Variants in ANXA10 observed in about 807,000 individuals in gnomAD.
The protein encoded by ANXA10 is annexin 14.
In ANXA10, 49 loss-of-function variants were observed where a neutral mutation model predicts 53.5. The ratio of observed to expected loss-of-function variants is 0.92; its 90% CI spans 0.73 to 1.16. The LOEUF is 1.16. ANXA10 is among the 50% of genes most tolerant of loss of function. The pLI is 0.00. For missense variants in ANXA10, 393 were observed against 394.4 expected (o/e 1.00, Z 0.03); for synonymous variants, 131 against 128.9 (o/e 1.02, Z -0.11).
At chr4:168,182,639 G>A (rs1294735162) in intron 10 of ANXA10, among the ~76,000 whole-genome samples, 1 of 149,058 alleles carries the variant, frequency 6.7e-6, no homozygotes, top group Non-Finnish European at 1.5e-5. Context: ...GGCCTGGAGC[G>A]TTCATTTTTT....
chr4:168,153,422 C>CAAAAAAAAAAAAAAAAAAAAAA (rs61179704), intron 3 of ANXA10, among the ~76,000 whole-genome samples: 6 of 43,524 alleles, frequency 1.4e-4, no homozygotes, highest in African/African-American at 2.4e-4. Context: ...AAGCCTAAAG[C>CAAAAAAAAAAAAAAAAAAAAAA]AAAAAAAAAA....
chr4:168,117,668 T>C (rs555072508), intron 1 of ANXA10, among the ~76,000 whole-genome samples: 1 of 152,318 alleles, frequency 6.6e-6, no homozygotes, highest in South Asian at 2.1e-4. Flanking sequence ...ACATCTCTCA[T>C]CACAAAAACA....
intron 1 of ANXA10, among the ~76,000 whole-genome samples, chr4:168,095,267 G>A (rs531206128): frequency 6.6e-6 from 1 of 151,934 alleles, no homozygotes; most frequent in Non-Finnish European, 1.5e-5. Flanking sequence ...GATCCCCCTT[G>A]TTCATACAGT....
chr4:168,187,137 C>T (rs531112363), intron 11 of ANXA10, among the ~76,000 whole-genome samples: 22 of 151,942 alleles, frequency 1.4e-4, no homozygotes, highest in Non-Finnish European at 3.1e-4. Flanking sequence ...CAGGTTCAAC[C>T]GACTTTATGT....
At chr4:168,145,176 G>A (rs933526781) in intron 3 of ANXA10, among the ~76,000 whole-genome samples, 21 of 152,202 alleles carry the variant, frequency 1.4e-4, no homozygotes, top group African/African-American at 4.1e-4. Flanking sequence ...CACTGAGCAC[G>A]GGGTCTGCAA....
At chr4:168,108,874 T>C (rs1730757985) in intron 1 of ANXA10, among the ~76,000 whole-genome samples, 2 of 152,292 alleles carry the variant, frequency 1.3e-5, no homozygotes, top group East Asian at 3.9e-4. Flanking sequence ...TCATTCCCCA[T>C]GGCAGGACAA....
In ANXA10 at chr4:168,184,982, G is replaced by A. The variant is rs144032415; in HGVS notation, c.906+301G>A. Among the ~76,000 whole-genome samples, 123 of 152,098 alleles carry A rather than the reference G, an allele frequency of 8.1e-4. 1 individual carries two copies. The highest frequency in any genetic ancestry group is 2.9e-3 in the African/African-American group (120 of 41,514). On this transcript the variant is annotated intron_variant, in intron 11 of 11. Transcript: ENST00000359299. ...AACCTGGCTAACACGGTGAAACCCC[G>A]TCTCTACTAAAAATACAAAAAATTA...
intron 1 of ANXA10, among the ~76,000 whole-genome samples, chr4:168,117,803 G>T (rs1335469681): frequency 6.6e-6 from 1 of 152,070 alleles, no homozygotes; most frequent in Non-Finnish European, 1.5e-5. Flanking sequence ...TCCACTTCAG[G>T]GTTACAGGTG....
chr4:168,168,005 A>G (rs975348441), intron 6 of ANXA10, among the ~76,000 whole-genome samples: 1 of 152,126 alleles, frequency 6.6e-6, no homozygotes, highest in Admixed American at 6.5e-5. Flanking sequence ...TCTCCCTTGT[A>G]TGTCTGCTTG....
chr4:168,167,040 G>A (rs1188229190), intron 6 of ANXA10, among the ~76,000 whole-genome samples: 1 of 152,050 alleles, frequency 6.6e-6, no homozygotes, highest in East Asian at 1.9e-4. Context: ...GTAGATAATT[G>A]TCTATTCTTT....
intron 11 of ANXA10, among the ~76,000 whole-genome samples, chr4:168,186,364 T>C (rs1478923264): frequency 6.6e-6 from 1 of 152,226 alleles, no homozygotes; most frequent in African/African-American, 2.4e-5. Flanking sequence ...TGCTATGGTG[T>C]GCATGTTTGT....
rs756688408 is a variant in ANXA10 at position 168,153,937 on chromosome 4, C to CT, written c.196-8581dup. ...TTATTTTCCTGAAATTATATTATTT[C>CT]TTTTTTTTTTACAAAATTAGTTCAC... is the stretch of plus-strand genomic sequence containing the variant. On this transcript the variant is annotated intron_variant, in intron 3 of 11. Transcript: ENST00000359299. Among the ~76,000 whole-genome samples, 395 of 148,128 alleles carry CT rather than the reference C, an allele frequency of 2.7e-3. 2 individuals are homozygous for CT. Among genetic ancestry groups the CT allele is most frequent in the African/African-American group, 4.4e-3 (177 of 40,408 alleles).
In ANXA10 at chr4:168,126,068, T is replaced by C. The variant is rs115022794; in HGVS notation, c.19-2016T>C. On this transcript the variant is annotated intron_variant, in intron 1 of 11. Transcript: ENST00000359299. Reference sequence around the variant, plus strand: ...ATACACATTATTTCTCACTGTCACATTGAAAAATGTACATTTTTTTCAAAA... The same window carrying C: ...ATACACATTATTTCTCACTGTCACACTGAAAAATGTACATTTTTTTCAAAA... Among the ~76,000 whole-genome samples, 808 of 152,156 alleles carry C rather than the reference T, an allele frequency of 5.3e-3. 5 individuals are homozygous for C. The highest frequency in any genetic ancestry group is 0.02 in the Middle Eastern group (6 of 294).
chr4:168,127,836 T>TTC (rs1455667598), intron 1 of ANXA10: 1 of 409,330 alleles, frequency 2.4e-6, no homozygotes, highest in Non-Finnish European at 4.4e-6. Context: ...TTTTTTTTTT[T>TTC]TTTTTTTTGC....
intron 1 of ANXA10, among the ~76,000 whole-genome samples, chr4:168,095,529 T>A (rs755193353): frequency 1.1e-4 from 17 of 152,052 alleles, no homozygotes; most frequent in Non-Finnish European, 1.9e-4. Flanking sequence ...TTATAATAAT[T>A]TACTGTCTAT....
Position 168,116,065 on chromosome 4 carries a change from A to C in ANXA10, c.19-12019A>C, listed in dbSNP as rs192490165. 6.6e-5 allele frequency among the ~76,000 whole-genome samples: 10 copies of C among 152,148 alleles called. No homozygotes were observed. The East Asian group carries it at 1.7e-3, about 26-fold the overall frequency. On this transcript the variant is annotated intron_variant, in intron 1 of 11. Transcript: ENST00000359299. The stretch of plus-strand genomic sequence containing the variant: ...AGGTACCTGCCCTCCGGAAGTTTAA[A>C]ATTTAGAGATAAAGACAAATGCAAA...
At chr4:168,139,663 T>TG in intron 3 of ANXA10, 83 bp downstream of exon 3, 7 of 967,374 alleles carry the variant, frequency 7.2e-6, no homozygotes, top group Non-Finnish European at 9.4e-6. Context: ...ATTTTTTTTT[T>TG]CAATCTCACA....
At chr4:168,146,816 A>G (rs886404171) in intron 3 of ANXA10, among the ~76,000 whole-genome samples, 6 of 152,254 alleles carry the variant, frequency 3.9e-5, no homozygotes, top group African/African-American at 1.2e-4. Context: ...TAACCCAAAG[A>G]GAAGGCTAAC....
chr4:168,093,619 G>A (rs1341315975), intron 1 of ANXA10, among the ~76,000 whole-genome samples: 1 of 152,198 alleles, frequency 6.6e-6, no homozygotes, highest in Non-Finnish European at 1.5e-5. Flanking sequence ...GGAGCTTGCA[G>A]TGAGCCGAGA....
Sources: allele counts gnomAD v4.1 joint callset (sites outside exome capture counted in the v4.1 genomes callset), GRCh38; gene constraint gnomAD v4.1.1; transcripts MANE v1.5; gene names NCBI Gene and HGNC (gene_info 2026-07-23, HGNC 2026-07-21).